Variants in PTPRN2 observed in about 807,000 individuals in gnomAD.
PTPRN2 encodes receptor-type tyrosine-protein phosphatase N2.
PTPRN2 carries 74 observed loss-of-function variants against 118.8 expected under a neutral mutation model. The observed-to-expected ratio is 0.62, with a 90% CI of 0.52 to 0.76. PTPRN2 has a LOEUF of 0.76. Among genes scored for constraint, PTPRN2 ranks in the 30% least tolerant of loss-of-function variants. The pLI is 0.00. For synonymous variants in PTPRN2, 641 were observed against 608.0 expected (o/e 1.05, Z -0.80); for missense variants, 1,481 against 1,394.4 (o/e 1.06, Z -0.99).
chr7:157,927,796 A>G (rs1799113705), intron 11 of PTPRN2, among the ~76,000 whole-genome samples: 1 of 152,004 alleles, frequency 6.6e-6, no homozygotes, highest in Non-Finnish European at 1.5e-5. Context: ...TTCTGCTGTG[A>G]ACCCTCTGGG....
At chr7:157,565,647 C>G (rs949391637) in intron 21 of PTPRN2, among the ~76,000 whole-genome samples, 1 of 152,220 alleles carries the variant, frequency 6.6e-6, no homozygotes, top group Non-Finnish European at 1.5e-5. Context: ...GGGAGTACCC[C>G]CTCAGTGCTG....
At chr7:157,940,742 ACAC>A in intron 11 of PTPRN2, among the ~76,000 whole-genome samples, 1 of 70,444 alleles carries the variant, frequency 1.4e-5, no homozygotes, top group African/African-American at 9.6e-5. Context: ...CTGCCCCATG[ACAC>A]TGCAAATCTG....
rs143530235 is a variant in PTPRN2, at chr7:157,893,608, G to A, written c.1788+5065C>T. On this transcript the variant is annotated intron_variant, in intron 12 of 22. Coordinates refer to ENST00000389418, the MANE Select transcript of PTPRN2 (RefSeq NM_002847.5). The surrounding 1 kb of genome is among the most constrained non-coding windows in gnomAD (Gnocchi z 4.0). The stretch of plus-strand genomic sequence containing the variant: ...AACCTGACGGGAGAAACAGGCTGCG[G>A]CAGGAAGATCAAGAGCCCTGCGTGG... 9.5e-3 allele frequency among the ~76,000 whole-genome samples: 1,453 copies of A among 152,312 alleles called. 32 individuals are homozygous for A. Among genetic ancestry groups the A allele is most frequent in the African/African-American group, 0.034 (1,402 of 41,566 alleles).
chr7:158,018,491 A>G (rs566981729), intron 11 of PTPRN2, among the ~76,000 whole-genome samples: 1 of 152,334 alleles, frequency 6.6e-6, no homozygotes, highest in South Asian at 2.1e-4. Flanking sequence ...TTTTTAGCCT[A>G]TACTAGTGAC....
chr7:157,850,960 C>T (rs967990871), intron 12 of PTPRN2, among the ~76,000 whole-genome samples: 1 of 152,160 alleles, frequency 6.6e-6, no homozygotes, highest in Non-Finnish European at 1.5e-5. Flanking sequence ...CAAAGCAAAG[C>T]GAGTTCTTGC....
intron 3 of PTPRN2, among the ~76,000 whole-genome samples, chr7:158,270,780 A>ACCGCCCCCT (rs1563067179): frequency 1.5e-5 from 1 of 67,636 alleles, no homozygotes; most frequent in African/African-American, 8.3e-5. Flanking sequence ...GTCCACCTGG[A>ACCGCCCCCT]CCACCCCTCC....
intron 11 of PTPRN2, among the ~76,000 whole-genome samples, chr7:157,935,316 C>CT (rs1157341356): frequency 6.6e-6 from 1 of 152,130 alleles, no homozygotes; most frequent in Non-Finnish European, 1.5e-5. Context: ...CACCTGGGCT[C>CT]TTTTTTGTTT....
At chr7:158,523,687 C>G (rs1824470994) in intron 1 of PTPRN2, among the ~76,000 whole-genome samples, 1 of 148,002 alleles carries the variant, frequency 6.8e-6, no homozygotes, top group African/African-American at 2.5e-5. Context: ...GCGGAGTCGT[C>G]TGCCCTGGAG....
intron 2 of PTPRN2, among the ~76,000 whole-genome samples, chr7:158,351,455 G>A (rs75341428): frequency 0.02 from 2,995 of 152,226 alleles, 41 homozygotes; most frequent in African/African-American, 0.034. Flanking sequence ...GCTTTCCTTC[G>A]TTGCTCACAC....
intron 6 of PTPRN2, among the ~76,000 whole-genome samples, chr7:158,146,052 T>A (rs1247661906): frequency 2.5e-5 from 3 of 118,332 alleles, no homozygotes; most frequent in Non-Finnish European, 3.9e-5. Flanking sequence ...CATTTTAGTT[T>A]TCCACTCTTT....
rs1450370291 is a variant in PTPRN2 at position 158,319,766 on chromosome 7, CACACAGCCTCCCTTGT to C, written c.164-2850_164-2835del. On this transcript the variant is annotated intron_variant, in intron 2 of 22. Transcript: ENST00000389418. ...CCTCACACACACAGCCTCCCTCACA[CACACAGCCTCCCTTGT>C]ACACAGCCTCCCTCGTACACACACA... is the stretch of plus-strand genomic sequence containing the variant. 4.4e-5 allele frequency among the ~76,000 whole-genome samples: 2 copies of C among 44,978 alleles called. 1 individual carries two copies. Among genetic ancestry groups the C allele is most frequent in the East Asian group, 1.3e-3 (2 of 1,508 alleles). The allele number at this position is 44,978 out of a possible 152,430, so 29.5% of individuals were successfully genotyped here. A position where few individuals can be genotyped will look rare whatever the true frequency, so the allele number is the denominator to read the frequency against.
chr7:158,242,253 C>T (rs1265293690), intron 3 of PTPRN2, among the ~76,000 whole-genome samples: 1 of 152,220 alleles, frequency 6.6e-6, no homozygotes, highest in Non-Finnish European at 1.5e-5. Flanking sequence ...CATCTCCAGT[C>T]TTCTATCTCA....
chr7:157,748,748 G>A (rs1264349953), intron 12 of PTPRN2, among the ~76,000 whole-genome samples: 1 of 126,288 alleles, frequency 7.9e-6, no homozygotes, highest in Non-Finnish European at 1.7e-5. Flanking sequence ...GGGCTGTCCG[G>A]GTGATTCTGA....
rs184262123 is a variant in PTPRN2, at chr7:158,548,009, G to A, written c.112+39549C>T. 2.5e-3 allele frequency among the ~76,000 whole-genome samples: 382 copies of A among 152,324 alleles called. 1 individual carries two copies. The highest frequency in any genetic ancestry group is 4.7e-3 in the Non-Finnish European group (319 of 68,034). ...GGTGGCCGAGGACCTGGATCCCGGG[G>A]CTGTGCCATCCCTGCCTCCAGGCCA... On this transcript the variant is annotated intron_variant, in intron 1 of 22. Transcript: ENST00000389418.
At chr7:157,915,340 C>T (rs959125897) in intron 11 of PTPRN2, among the ~76,000 whole-genome samples, 4 of 152,170 alleles carry the variant, frequency 2.6e-5, no homozygotes, top group African/African-American at 4.8e-5. Flanking sequence ...AAGCTGAATT[C>T]CCTGCTTGAG....
At chr7:157,871,656 T>C (rs926274358) in intron 12 of PTPRN2, among the ~76,000 whole-genome samples, 12 of 152,006 alleles carry the variant, frequency 7.9e-5, no homozygotes, top group African/African-American at 2.9e-4. Flanking sequence ...AGTATTATTT[T>C]TGGAGGGATT....
intron 11 of PTPRN2, among the ~76,000 whole-genome samples, chr7:158,007,881 CGTGT>C (rs774108789): frequency 1.2e-5 from 1 of 86,664 alleles, no homozygotes; most frequent in African/African-American, 4.8e-5. Context: ...TGCATGTGCA[CGTGT>C]GTGTATGTAT....
At chr7:157,791,639 C>G (rs901133639) in intron 12 of PTPRN2, among the ~76,000 whole-genome samples, 5 of 150,946 alleles carry the variant, frequency 3.3e-5, no homozygotes, top group Non-Finnish European at 7.4e-5. Flanking sequence ...GGGGCTTCAT[C>G]CACACGTCTC....
intron 11 of PTPRN2, among the ~76,000 whole-genome samples, chr7:158,019,902 T>C (rs954341786): frequency 6.6e-6 from 1 of 152,232 alleles, no homozygotes; most frequent in Non-Finnish European, 1.5e-5. Context: ...GGTTTTCCAC[T>C]GTTTTACCAG....
Sources: allele counts gnomAD v4.1 joint callset (sites outside exome capture counted in the v4.1 genomes callset), GRCh38; gene constraint gnomAD v4.1.1; non-coding constraint Gnocchi (gnomAD v3.1); transcripts MANE v1.5; gene names NCBI Gene and HGNC (gene_info 2026-07-23, HGNC 2026-07-21).